The following SLC27A6 variants were observed in gnomAD, a reference collection of about 807,000 sequenced individuals.
SLC27A6 encodes the protein long-chain fatty acid transport protein 6.
SLC27A6 carries 74 observed loss-of-function variants against 63.9 expected under a neutral mutation model. That is an observed-to-expected ratio of 1.16 (90% confidence interval 0.96 to 1.40). The LOEUF is 1.40. Among genes scored for constraint, SLC27A6 ranks in the 40% most tolerant of loss-of-function variants. The probability of loss-of-function intolerance (pLI) is 0.00; values close to 1 mark genes in which losing one functional copy is unlikely to be tolerated. For synonymous variants in SLC27A6, 287 were observed against 260.8 expected, an observed-to-expected ratio of 1.10 and a Z score of -0.97; for missense variants, 794 against 732.9, an observed-to-expected ratio of 1.08 and a Z score of -0.96.
intron 4 of SLC27A6, among the ~76,000 whole-genome samples, chr5:129,007,458 A>T (rs893990598): frequency 0.022 from 3,226 of 149,038 alleles, 122 homozygotes; most frequent in African/African-American, 0.074. Context: ...AAAAAAAAAA[A>T]AAAAAAATAT....
At chr5:128,971,996 G>T (rs1750184927) in intron 1 of SLC27A6, among the ~76,000 whole-genome samples, 1 of 152,126 alleles carries the variant, frequency 6.6e-6, no homozygotes, top group Admixed American at 6.5e-5. Context: ...TGTTTGTAAA[G>T]GATATTATTT....
At chr5:129,025,217 C>T (rs912821160) in intron 6 of SLC27A6, among the ~76,000 whole-genome samples, 16 of 152,080 alleles carry the variant, frequency 1.1e-4, no homozygotes, top group African/African-American at 2.9e-4. Flanking sequence ...ATTGTGTCTT[C>T]ACAATGTAAA....
At chr5:129,019,591 G>A (rs530891683) in intron 5 of SLC27A6, among the ~76,000 whole-genome samples, 198 of 151,622 alleles carry the variant, frequency 1.3e-3, no homozygotes, top group African/African-American at 4.0e-3. Context: ...TTAAAAATAA[G>A]AGCCCAGAAA....
chr5:128,994,642 T>C (rs1046498253), intron 4 of SLC27A6, among the ~76,000 whole-genome samples: 9 of 152,182 alleles, frequency 5.9e-5, no homozygotes, highest in Admixed American at 5.2e-4. Flanking sequence ...TAAGCCATGG[T>C]TTGAAGCCCC....
chr5:128,986,879 C>T (rs1750806591), intron 2 of SLC27A6, among the ~76,000 whole-genome samples: 1 of 152,046 alleles, frequency 6.6e-6, no homozygotes, highest in African/African-American at 2.4e-5. Context: ...GAAGAAAATT[C>T]ATTTGCCCCC....
At chr5:129,010,214 A>G (rs1021190452) in intron 4 of SLC27A6, among the ~76,000 whole-genome samples, 1 of 152,200 alleles carries the variant, frequency 6.6e-6, no homozygotes, top group Non-Finnish European at 1.5e-5. Context: ...GCACTATGTC[A>G]ATGAGATTCA....
intron 3 of SLC27A6, among the ~76,000 whole-genome samples, chr5:128,989,554 T>C (rs1444574162): frequency 6.6e-6 from 1 of 152,200 alleles, no homozygotes; most frequent in African/African-American, 2.4e-5. Context: ...TTGTCAAAAT[T>C]AGGTTCTGCA....
chr5:128,976,510 G>A (rs2577426), intron 1 of SLC27A6, among the ~76,000 whole-genome samples: 36,708 of 151,198 alleles, frequency 0.24, 4,976 homozygotes, highest in Middle Eastern at 0.33. Context: ...ATGAAACTCC[G>A]TCTCAAACAA....
At chr5:128,985,414 T>C in intron 2 of SLC27A6, 78 bp downstream of exon 2, 3 of 1,180,950 alleles carry the variant, frequency 2.5e-6, no homozygotes, top group African/African-American at 1.5e-5. Context: ...ATTTCTACCA[T>C]GTGTAGTGAC....
At chr5:129,005,679 C>A (rs1751498174) in intron 4 of SLC27A6, among the ~76,000 whole-genome samples, 2 of 125,468 alleles carry the variant, frequency 1.6e-5, no homozygotes, top group African/African-American at 6.3e-5. Flanking sequence ...GTGGCCTGAT[C>A]TCGGCTCACT....
In SLC27A6 at chr5:128,985,193, G is replaced by T. The variant is rs1363441981; in HGVS notation, c.542G>T (p.Gly181Val). 6.2e-7 allele frequency: 1 copy of T among 1,613,922 alleles called. No homozygotes were observed. Among genetic ancestry groups the T allele is most frequent in the Admixed American group, 1.7e-5 (1 of 60,014 alleles). Residue 181 changes from glycine (G) to valine (V), a missense_variant, in exon 2 of 10, where the codon GGG becomes GTG. Physicochemically the swap from Gly to Val is moderately radical, Grantham distance 109. Transcript: ENST00000262462. ...CTCTCAGAAAATATCAGTGTTTGGG[G>T]GATGAAAGATTCTGTTCCACAAGGT... ...PSLSENISVW[G>V]MKDSVPQGVI...
At chr5:128,970,546 A>G (rs537614861) in intron 1 of SLC27A6, among the ~76,000 whole-genome samples, 47 of 152,260 alleles carry the variant, frequency 3.1e-4, no homozygotes, top group South Asian at 1.0e-3. Flanking sequence ...TTATTTGCGT[A>G]GAGGTGTTTA....
chr5:129,017,298 A>T (rs549347889), intron 5 of SLC27A6, among the ~76,000 whole-genome samples: 85 of 152,266 alleles, frequency 5.6e-4, no homozygotes, highest in Non-Finnish European at 9.0e-4. Flanking sequence ...ACAACTAGAT[A>T]ACCTCCTATA....
rs751957663 is a variant in SLC27A6, at chr5:128,990,404, T to C, written c.909T>C (p.Tyr303=). 2 of 1,614,000 alleles carry C rather than the reference T, an allele frequency of 1.2e-6. No individual in the cohort carries two copies. The highest frequency in any genetic ancestry group is 2.2e-5 in the East Asian group (1 of 44,864). The change falls in exon 4 of 10, where the codon TAT becomes TAC. Residue 303 remains tyrosine, a synonymous_variant. Transcript: ENST00000262462. ...ASQFWSDCKK[Y]DVTVFQYIGE... ...AGTTTTGGAGTGACTGCAAGAAGTATGATGTGACTGTGTTTCAGTATATTG... is the reference window on the plus strand; with the variant it reads ...AGTTTTGGAGTGACTGCAAGAAGTACGATGTGACTGTGTTTCAGTATATTG...
rs1751157233 is a variant in SLC27A6, at chr5:128,996,275, A to G, written c.969+5811A>G. 1.3e-5 allele frequency among the ~76,000 whole-genome samples: 2 copies of G among 152,226 alleles called. 1 individual carries two copies. Among genetic ancestry groups the G allele is most frequent in the East Asian group, 3.9e-4 (2 of 5,146 alleles). On this transcript the variant is annotated intron_variant, in intron 4 of 9. Coordinates refer to ENST00000262462, the MANE Select transcript of SLC27A6 (RefSeq NM_001017372.3). Reference sequence around the variant, plus strand: ...ACCCACATTTTGACATTCTCAAGGCATAGTCTATACTTATTAGGAATGCAT... The same window carrying G: ...ACCCACATTTTGACATTCTCAAGGCGTAGTCTATACTTATTAGGAATGCAT...
chr5:129,019,202 C>T (rs1424470361), intron 5 of SLC27A6, among the ~76,000 whole-genome samples: 1 of 151,962 alleles, frequency 6.6e-6, no homozygotes, highest in Non-Finnish European at 1.5e-5. Context: ...CACATATTCT[C>T]CCAGGGCAAA....
chr5:128,974,573 G>T (rs1213492382), intron 1 of SLC27A6, among the ~76,000 whole-genome samples: 1 of 152,126 alleles, frequency 6.6e-6, no homozygotes, highest in Non-Finnish European at 1.5e-5. Flanking sequence ...ACTCTTTTTA[G>T]CACATTAAAT....
Position 128,973,445 on chromosome 5 carries a change from A to G in SLC27A6, c.481+6827A>G, listed in dbSNP as rs1750262620. The stretch of plus-strand genomic sequence containing the variant: ...GGCTCCACCCAGTTCGATCTTCCGC[A>G]CTGCTTTGTTTACCTAGTGAAGCCT... On this transcript the variant is annotated intron_variant, in intron 1 of 9. Transcript: ENST00000262462. Among the ~76,000 whole-genome samples, 3 of 152,262 alleles carry G rather than the reference A, an allele frequency of 2.0e-5. No homozygotes were observed. The South Asian group carries it at 6.2e-4, about 32-fold the overall frequency.
At chr5:129,023,789 G>A (rs1343961417) in intron 6 of SLC27A6, 79 bp downstream of exon 6, 16 of 1,052,036 alleles carry the variant, frequency 1.5e-5, no homozygotes, top group Non-Finnish European at 2.3e-5. Context: ...GTATCCTTGG[G>A]GGATTGGTTC....
Sources: gnomAD v4.1 joint callset for allele counts (sites outside exome capture counted in the v4.1 genomes callset) on GRCh38, gnomAD v4.1.1 for gene constraint, MANE v1.5 for transcripts, NCBI Gene and HGNC (gene_info 2026-07-23, HGNC 2026-07-21) for gene names.